The following NPHP1 variants were observed in gnomAD, a reference collection of about 807,000 sequenced individuals.
NPHP1 encodes the protein nephrocystin 1.
A neutral mutation model predicts 90.4 loss-of-function variants in NPHP1; 70 were observed. That is an observed-to-expected ratio of 0.77 (90% CI 0.64 to 0.95). NPHP1 has a LOEUF of 0.95. Ranked by LOEUF, NPHP1 falls within the 40% of genes least tolerant of loss-of-function variation. The pLI, the probability that NPHP1 is intolerant of heterozygous loss-of-function variation, is 0.00. For synonymous variants in NPHP1, 256 were observed against 271.7 expected (o/e 0.94, Z 0.57); for missense variants, 764 against 795.9 (o/e 0.96, Z 0.48).
At chr2:110,138,903 A>C (rs1680420866) in intron 16 of NPHP1, among the ~76,000 whole-genome samples, 1 of 152,090 alleles carries the variant, frequency 6.6e-6, no homozygotes, top group South Asian at 2.1e-4. Flanking sequence ...CACAACATGA[A>C]GCAATGCTGC....
At chr2:110,151,647 AC>A in intron 11 of NPHP1, among the ~76,000 whole-genome samples, 1 of 152,234 alleles carries the variant, frequency 6.6e-6, no homozygotes, top group Non-Finnish European at 1.5e-5. Context: ...TTCCACATTA[AC>A]AAAATCCCAC....
At chr2:110,172,962 C>CTT (rs559012343) in intron 4 of NPHP1, among the ~76,000 whole-genome samples, 11,818 of 135,994 alleles carry the variant, frequency 0.087, 1,813 homozygotes, top group African/African-American at 0.31. Context: ...TTTTCTTTTT[C>CTT]TTTTTTTTTT....
chr2:110,200,384 T>G (rs1685491007), intron 2 of NPHP1, among the ~76,000 whole-genome samples: 1 of 151,958 alleles, frequency 6.6e-6, no homozygotes, highest in Admixed American at 6.6e-5. Context: ...GCCAACGTGA[T>G]GAAACCCATC....
chr2:110,171,727 A>AT (rs1411261702), intron 4 of NPHP1, among the ~76,000 whole-genome samples: 9 of 152,094 alleles, frequency 5.9e-5, no homozygotes, highest in African/African-American at 2.2e-4. Context: ...TCAATGATTG[A>AT]TTTTTTAATG....
intron 2 of NPHP1, among the ~76,000 whole-genome samples, chr2:110,186,199 G>A (rs1448685702): frequency 6.6e-6 from 1 of 152,118 alleles, no homozygotes. Flanking sequence ...TCTTTCTCTT[G>A]CTCACTGCCA....
rs79422557 is a variant in NPHP1, at chr2:110,174,988, A to G, written c.329+3435T>C. ...TGATAGTGCTGTTAGTGTGAATTCA[A>G]TGTTAATGAATCAATAAAATATATG... On this transcript the variant is annotated intron_variant, in intron 4 of 19. Transcript: ENST00000445609. Among the ~76,000 whole-genome samples, 580 of 152,174 alleles carry G rather than the reference A, an allele frequency of 3.8e-3. 9 individuals carry two copies. The highest frequency in any genetic ancestry group is 0.014 in the African/African-American group (564 of 41,546).
intron 3 of NPHP1, among the ~76,000 whole-genome samples, chr2:110,179,232 T>A (rs960337867): frequency 1.3e-5 from 2 of 152,078 alleles, no homozygotes; most frequent in African/African-American, 4.8e-5. Context: ...ATATCAGAGC[T>A]GCCATTTGAT....
At chr2:110,172,709 G>A (rs796478663) in intron 4 of NPHP1, among the ~76,000 whole-genome samples, 4 of 152,158 alleles carry the variant, frequency 2.6e-5, no homozygotes, top group African/African-American at 9.6e-5. Context: ...ACTAGAGCCT[G>A]GGAGGTGGAC....
At chr2:110,180,226 A>G (rs1363862351) in intron 2 of NPHP1, among the ~76,000 whole-genome samples, 5 of 152,082 alleles carry the variant, frequency 3.3e-5, no homozygotes, top group East Asian at 1.9e-4. Context: ...CAGTTGGCCT[A>G]TTCCCACCAC....
chr2:110,170,425 T>C (rs1044375828), intron 4 of NPHP1, among the ~76,000 whole-genome samples: 2 of 152,218 alleles, frequency 1.3e-5, no homozygotes, highest in African/African-American at 4.8e-5. Context: ...GAGATAATAA[T>C]AGAACCTGCC....
intron 3 of NPHP1, 81 bp downstream of exon 3, chr2:110,179,543 C>T: frequency 1.4e-6 from 1 of 732,960 alleles, no homozygotes; most frequent in Non-Finnish European, 2.4e-6. Flanking sequence ...AGGAACTTAC[C>T]AACTTGAATT....
At position 110,190,397 on chromosome 2, in the gene NPHP1, G is replaced by A. The variant is rs544893286; in HGVS notation, c.144-10713C>T. Among the ~76,000 whole-genome samples the A allele has an allele frequency of 8.5e-4, 130 of 152,308 alleles. 1 individual carries two copies. Among genetic ancestry groups the A allele is most frequent in the African/African-American group, 2.9e-3 (120 of 41,562 alleles). On this transcript the variant is annotated intron_variant, in intron 2 of 19. Coordinates refer to ENST00000445609, the MANE Select transcript of NPHP1 (RefSeq NM_001128178.3). ...GCCCCGCGGGAAGGCAGCTAAGGCC[G>A]GGTGAGAAATTGAGCACAGCAGCTG...
At position 110,144,513 on chromosome 2, in the gene NPHP1, T is replaced by C. The variant is rs772012716; in HGVS notation, c.1409A>G (p.Asp470Gly). 1 of 1,604,840 alleles carries C rather than the reference T, an allele frequency of 6.2e-7. No individual in the cohort carries two copies. Among genetic ancestry groups the C allele is most frequent in the Admixed American group, 1.7e-5 (1 of 59,990 alleles). ...CATACCTCTTCTGGATATTGAAGGG[T>C]CCACTTCAATACCTTTTTCATAAGG... is the stretch of plus-strand genomic sequence containing the variant. ...GTPYEKGIEVDPSISRRAHGS... is the reference protein window; with the variant it reads ...GTPYEKGIEVGPSISRRAHGS... Residue 470 changes from aspartate to glycine, a missense_variant, in exon 15 of 20, where the codon GAC becomes GGC. Transcript: ENST00000445609.
intron 2 of NPHP1, among the ~76,000 whole-genome samples, chr2:110,192,001 A>C (rs1321323051): frequency 6.6e-6 from 1 of 152,162 alleles, no homozygotes; most frequent in African/African-American, 2.4e-5. Flanking sequence ...CCAAAACCCC[A>C]TCTGTACATC....
chr2:110,141,949 G>A (rs1268296074), intron 16 of NPHP1, among the ~76,000 whole-genome samples: 4 of 149,866 alleles, frequency 2.7e-5, no homozygotes, highest in Non-Finnish European at 5.9e-5. Flanking sequence ...CTCCAGCCTG[G>A]GGGACAGAGC....
chr2:110,164,457 T>G, intron 8 of NPHP1: 1 of 818,016 alleles, frequency 1.2e-6, no homozygotes. Flanking sequence ...AGTCCTCAAG[T>G]GACACCATGA....
rs1242346757 is a variant in NPHP1 at position 110,153,277 on chromosome 2, C to G, written c.1084-3021G>C. On this transcript the variant is annotated intron_variant, in intron 11 of 19. Transcript: ENST00000445609. ...TCTCAGATAAAGTCTAAAAATCTGT[C>G]ACCAGCAGACCTACCCTAAAAGAAT... is the stretch of plus-strand genomic sequence containing the variant. 2.6e-5 allele frequency among the ~76,000 whole-genome samples: 4 copies of G among 152,126 alleles called. No homozygotes were observed. The East Asian group carries it at 7.7e-4, about 29-fold the overall frequency.
At chr2:110,154,943 A>C (rs1681779804) in intron 11 of NPHP1, among the ~76,000 whole-genome samples, 1 of 152,142 alleles carries the variant, frequency 6.6e-6, no homozygotes, top group Non-Finnish European at 1.5e-5. Flanking sequence ...GTTACTCCCC[A>C]AGACAATGTG....
chr2:110,189,358 C>T (rs780636500), intron 2 of NPHP1, among the ~76,000 whole-genome samples: 1 of 152,144 alleles, frequency 6.6e-6, no homozygotes, highest in African/African-American at 2.4e-5. Flanking sequence ...TTCGTGGTCT[C>T]GCTGGCTCAG....
Sources: allele counts gnomAD v4.1 joint callset (sites outside exome capture counted in the v4.1 genomes callset), GRCh38; gene constraint gnomAD v4.1.1; transcripts MANE v1.5; gene names NCBI Gene and HGNC (gene_info 2026-07-23, HGNC 2026-07-21).